The following KCNK5 variants were observed in gnomAD, a reference collection of about 807,000 sequenced individuals.
The protein encoded by KCNK5 is potassium two pore domain channel subfamily K member 5, also known as potassium channel subfamily K member 5.
In KCNK5, 18 loss-of-function variants were observed where a neutral mutation model predicts 32.9. The observed-to-expected ratio is 0.55, with a 90% CI of 0.38 to 0.81. The LOEUF is 0.81. Ranked by LOEUF, KCNK5 falls within the 30% of genes least tolerant of loss-of-function variation. KCNK5 has a pLI of 0.00. For synonymous variants in KCNK5, 276 were observed against 275.3 expected, an observed-to-expected ratio of 1.00 and a Z score of -0.03; for missense variants, 507 against 651.0, an observed-to-expected ratio of 0.78 and a Z score of 2.41.
rs1771026382 is a variant in KCNK5, at chr6:39,196,074, T to C, written c.187-87A>G. The C allele has an allele frequency of 4.8e-6, 4 of 829,668 alleles. No homozygotes were observed. The South Asian group carries it at 8.7e-5, about 18-fold the overall frequency. 51.4% of individuals were successfully genotyped at this position (829,668 alleles called of 1,614,324 possible). On this transcript the variant is annotated intron_variant, in intron 1 of 4. Transcript: ENST00000359534. The stretch of plus-strand genomic sequence containing the variant: ...AACTGCACTAAACTCCTTGTAAGCA[T>C]TTTCATTTAGTCATCACAAGAAGAA...
intron 1 of KCNK5, among the ~76,000 whole-genome samples, chr6:39,199,574 C>T (rs1035996063): frequency 2.0e-5 from 3 of 152,218 alleles, no homozygotes; most frequent in Non-Finnish European, 2.9e-5. Flanking sequence ...GTGGCAATTA[C>T]ACCCACTGGG....
In KCNK5 at chr6:39,191,171, C is replaced by A. The variant is rs147451811; in HGVS notation, c.1219G>T (p.Ala407Ser). Reference sequence around the variant, plus strand: ...AAGATGAGTGGGTGGTAGTCCTGGGCGTCCCATGGCTCGCATTCCTCGCTG... The same window carrying A: ...AAGATGAGTGGGTGGTAGTCCTGGGAGTCCCATGGCTCGCATTCCTCGCTG... The part of the protein sequence containing the change: ...RISEECEPWD[A>S]QDYHPLIFQD... Residue 407 changes from alanine to serine, a missense_variant, in exon 5 of 5, where the codon GCC (alanine) becomes TCC (serine). Physicochemically the swap from Ala to Ser is moderately conservative, Grantham distance 99. Coordinates refer to ENST00000359534, the MANE Select transcript of KCNK5 (RefSeq NM_003740.4). This position sits in a 1 kb window ranked among gnomAD's most constrained non-coding sequence, Gnocchi z 5.8. The A allele has an allele frequency of 2.5e-6, 4 of 1,614,088 alleles. No individual in the cohort carries two copies. The highest frequency in any genetic ancestry group is 2.5e-6 in the Non-Finnish European group (3 of 1,180,044).
At position 39,214,665 on chromosome 6, in the gene KCNK5, G is replaced by A. The variant is rs549622461; in HGVS notation, c.186+14261C>T. 3.3e-5 allele frequency among the ~76,000 whole-genome samples: 5 copies of A among 152,286 alleles called. No homozygotes were observed. The South Asian group carries it at 8.3e-4, about 25-fold the overall frequency. ...AAAACCGAGGGCTTGTAGGGAGGGA[G>A]GGCAGAGAAGGGTGCAGACCAGGCA... On this transcript the variant is annotated intron_variant, in intron 1 of 4. Transcript: ENST00000359534.
At chr6:39,198,022 G>A (rs1482233405) in intron 1 of KCNK5, among the ~76,000 whole-genome samples, 1 of 152,234 alleles carries the variant, frequency 6.6e-6, no homozygotes, top group Non-Finnish European at 1.5e-5. Context: ...AGAGGAGAAT[G>A]TTTGGAACAT....
chr6:39,194,759 T>A lies in KCNK5; in HGVS notation c.300A>T (p.Gly100=). 6.2e-7 allele frequency: 1 copy of A among 1,613,822 alleles called. No individual in the cohort carries two copies. Among genetic ancestry groups the A allele is most frequent in the Admixed American group, 1.7e-5 (1 of 60,006 alleles). ...IFAATVITTI[G]YGNVAPKTPA... ...GGGTCTTGGGAGCCACATTGCCATA[T>A]CCTGAGGAAGGAGAGAGTGAGGCCA... The change falls in exon 3 of 5, where the codon GGA becomes GGT. Residue 100 remains glycine (G), a splice_region_variant and synonymous_variant. Transcript: ENST00000359534. The surrounding 1 kb of genome is among the most constrained non-coding windows in gnomAD (Gnocchi z 4.7).
intron 1 of KCNK5, among the ~76,000 whole-genome samples, chr6:39,228,232 T>C (rs972822917): frequency 1.3e-5 from 2 of 152,088 alleles, no homozygotes; most frequent in African/African-American, 4.8e-5. Flanking sequence ...TACGCGGGTA[T>C]TATTCGTTTG....
At chr6:39,193,521 T>G (rs1226535785) in intron 4 of KCNK5, among the ~76,000 whole-genome samples, 2 of 152,206 alleles carry the variant, frequency 1.3e-5, no homozygotes, top group Non-Finnish European at 2.9e-5. Context: ...ACCAAGATGC[T>G]GTGCAGGCCA....
chr6:39,223,339 T>A (rs1424015154), intron 1 of KCNK5, among the ~76,000 whole-genome samples: 1 of 152,148 alleles, frequency 6.6e-6, no homozygotes, highest in African/African-American at 2.4e-5. Context: ...TGGACAAAGA[T>A]CCCTACTGAG....
chr6:39,198,747 C>T (rs1017231713), intron 1 of KCNK5, among the ~76,000 whole-genome samples: 16 of 152,174 alleles, frequency 1.1e-4, no homozygotes, highest in African/African-American at 3.4e-4. Context: ...ATATGGGGCA[C>T]CTTGTTTCAT....
Position 39,194,242 on chromosome 6 carries a change from C to A in KCNK5, c.561G>T (p.Gly187=). The A allele has an allele frequency of 1.2e-6, 2 of 1,614,140 alleles. No individual in the cohort carries two copies. Among genetic ancestry groups the A allele is most frequent in the Non-Finnish European group, 1.7e-6 (2 of 1,180,008 alleles). ...AGTAGAGGCCCTCGATGTAGTTCCA[C>A]CCCTCAGTCACCATGAATACGAAGG... The part of the protein sequence containing the change: ...IPPFVFMVTE[G]WNYIEGLYYS... Residue 187 remains glycine, a synonymous_variant, in exon 4 of 5, where the codon GGG becomes GGT. Transcript: ENST00000359534. This position sits in a 1 kb window ranked among gnomAD's most constrained non-coding sequence, Gnocchi z 4.7.
chr6:39,225,594 T>C (rs1771658965), intron 1 of KCNK5, among the ~76,000 whole-genome samples: 2 of 152,188 alleles, frequency 1.3e-5, no homozygotes, highest in Non-Finnish European at 2.9e-5. Context: ...GGTGGACTGA[T>C]GTATTACTTC....
chr6:39,191,555 C>A lies in KCNK5; in HGVS notation c.835G>T (p.Val279Leu), dbSNP rs1180871542. Residue 279 changes from valine to leucine, a missense_variant, in exon 5 of 5, where the codon GTG (valine) becomes TTG (leucine). Coordinates refer to ENST00000359534, the MANE Select transcript of KCNK5 (RefSeq NM_003740.4). This position sits in a 1 kb window ranked among gnomAD's most constrained non-coding sequence, Gnocchi z 5.8. ...SSPHSRKALQ[V>L]KGSTASKDVN... Reference sequence around the variant, plus strand: ...TCCTTGGAGGCTGTGCTCCCCTTCACCTGCAGGGCCTTCCGGGAGTGTGGG... The same window carrying A: ...TCCTTGGAGGCTGTGCTCCCCTTCAACTGCAGGGCCTTCCGGGAGTGTGGG... 3 of 1,614,012 alleles carry A rather than the reference C, an allele frequency of 1.9e-6. No individual in the cohort carries two copies. The highest frequency in any genetic ancestry group is 1.7e-6 in the Non-Finnish European group (2 of 1,180,028).
chr6:39,198,206 G>A (rs1771061887), intron 1 of KCNK5, among the ~76,000 whole-genome samples: 1 of 152,194 alleles, frequency 6.6e-6, no homozygotes, highest in African/African-American at 2.4e-5. Context: ...AAATTCATGT[G>A]GACAAGACAC....
rs757646572 is a variant in KCNK5 at position 39,221,259 on chromosome 6, G to A, written c.186+7667C>T. 4.5e-4 allele frequency among the ~76,000 whole-genome samples: 68 copies of A among 152,130 alleles called. 1 individual carries two copies. The highest frequency in any genetic ancestry group is 6.3e-3 in the Middle Eastern group (2 of 316). On this transcript the variant is annotated intron_variant, in intron 1 of 4. Coordinates refer to ENST00000359534, the MANE Select transcript of KCNK5 (RefSeq NM_003740.4). ...TGCACATCAGTGGCTCCCACAGCCT[G>A]TGGCCCCCACAGCCTGTGGCCAAGT...
chr6:39,201,927 G>C (rs556185166), intron 1 of KCNK5, among the ~76,000 whole-genome samples: 2 of 152,162 alleles, frequency 1.3e-5, no homozygotes, highest in Non-Finnish European at 2.9e-5. Context: ...TGTGGAGCTG[G>C]GATGAGGGCC....
In KCNK5 at chr6:39,191,785, AAG is replaced by A. The variant is rs746730962; in HGVS notation, c.635-32_635-31del. ...GCGGACAGGCAGTCCAGAGGTCAGG[AAG>A]AGTTAGCAGGGCCCGGGAAATGTGC... On this transcript the variant is annotated intron_variant, in intron 4 of 4. Transcript: ENST00000359534. This position sits in a 1 kb window ranked among gnomAD's most constrained non-coding sequence, Gnocchi z 5.8. 2 of 1,594,624 alleles carry A rather than the reference AAG, an allele frequency of 1.3e-6. No individual in the cohort carries two copies. Among genetic ancestry groups the A allele is most frequent in the Non-Finnish European group, 1.7e-6 (2 of 1,168,858 alleles).
rs1284299026 is a variant in KCNK5, at chr6:39,194,475, A to C, written c.465+119T>G. 11 of 1,429,088 alleles carry C rather than the reference A, an allele frequency of 7.7e-6. No individual in the cohort carries two copies. The highest frequency in any genetic ancestry group is 1.1e-5 in the Non-Finnish European group (11 of 1,047,544). 88.5% of individuals were successfully genotyped at this position (1,429,088 alleles called of 1,614,324 possible). A position where few individuals can be genotyped will look rare whatever the true frequency, so the allele number is the denominator to read the frequency against. ...TGACCCGGGAGGGCAAGGAGCTCTG[A>C]AACTATCCTCTTGCCATCTGTCCTT... On this transcript the variant is annotated intron_variant, in intron 3 of 4. Coordinates refer to ENST00000359534, the MANE Select transcript of KCNK5 (RefSeq NM_003740.4). This position sits in a 1 kb window ranked among gnomAD's most constrained non-coding sequence, Gnocchi z 4.7.
chr6:39,226,587 C>G (rs2561403), intron 1 of KCNK5, among the ~76,000 whole-genome samples: 124,211 of 151,960 alleles, frequency 0.82, 51,239 homozygotes, highest in East Asian at 0.93. Flanking sequence ...CAAGGTGATT[C>G]AGAACCAGCT....
At chr6:39,211,000 G>C (rs1029497378) in intron 1 of KCNK5, among the ~76,000 whole-genome samples, 2 of 151,970 alleles carry the variant, frequency 1.3e-5, no homozygotes, top group African/African-American at 4.8e-5. Context: ...ACCTTTCCTG[G>C]CCCGGGACCC....
Sources: allele counts gnomAD v4.1 joint callset (sites outside exome capture counted in the v4.1 genomes callset), GRCh38; gene constraint gnomAD v4.1.1; non-coding constraint Gnocchi (gnomAD v3.1); transcripts MANE v1.5; gene names NCBI Gene and HGNC (gene_info 2026-07-23, HGNC 2026-07-21).